The following PDZD4 variants were observed in gnomAD, a reference collection of about 807,000 sequenced individuals.
PDZD4 encodes the protein PDZ domain-containing protein 4.
In PDZD4, 9 loss-of-function variants were observed where a neutral mutation model predicts 38.5. The ratio of observed to expected loss-of-function variants is 0.23; its 90% CI spans 0.14 to 0.41. The LOEUF (loss-of-function observed/expected upper bound fraction) is 0.41. Ranked by LOEUF, PDZD4 falls within the 10% of genes least tolerant of loss-of-function variation. The pLI is 1.00. For missense variants in PDZD4, 612 were observed against 722.0 expected (o/e 0.85, Z 1.75); for synonymous variants, 349 against 315.7 (o/e 1.11, Z -1.12).
intron 1 of PDZD4, among the ~76,000 whole-genome samples, chrX:153,827,038 T>A (rs1363930463): frequency 8.9e-6 from 1 of 111,983 alleles, no homozygotes; most frequent in Non-Finnish European, 1.9e-5. Flanking sequence ...GAAAAAGACG[T>A]ACAAAGTTGG....
intron 1 of PDZD4, chrX:153,829,883 G>C: frequency 1.3e-6 from 1 of 798,844 alleles, no homozygotes; most frequent in South Asian, 5.8e-5. Context: ...ATCTAGATTC[G>C]GCGCCCCCCG....
In PDZD4 at chrX:153,803,377, A is replaced by G. The variant is rs782450743; in HGVS notation, c.2304T>C (p.Pro768=). 8.8e-7 allele frequency: 1 copy of G among 1,136,022 alleles called. No homozygotes were observed. The highest frequency in any genetic ancestry group is 2.2e-5 in the South Asian group (1 of 46,453). 93.6% of individuals were successfully genotyped at this position (1,136,022 alleles called of 1,213,427 possible). The change falls in exon 8 of 8, where the codon CCT becomes CCC. Residue 768 remains proline, a synonymous_variant. Coordinates refer to ENST00000393758, the MANE Select transcript of PDZD4 (RefSeq NM_001303512.2). The part of the protein sequence containing the change: ...RSADGKRVYN[P]LLSVTTV ...CTCACACGGTGGTGACTGAGAGAAG[A>G]GGGTTGTAGACCCGCTTGCCATCGG...
At chrX:153,810,712 C>T (rs1407281125) in intron 1 of PDZD4, among the ~76,000 whole-genome samples, 3 of 112,335 alleles carry the variant, frequency 2.7e-5, no homozygotes, top group African/African-American at 6.5e-5. Flanking sequence ...TCTTAGTGCC[C>T]GCGATACAGT....
rs2064263108 is a variant in PDZD4 at position 153,807,433 on chromosome X, C to T, written c.315-64G>A. On this transcript the variant is annotated intron_variant, in intron 2 of 7. Coordinates refer to ENST00000393758, the MANE Select transcript of PDZD4 (RefSeq NM_001303512.2). The stretch of plus-strand genomic sequence containing the variant: ...CCTCTCACACCTCAGCCCCAGCTCC[C>T]AGGCAGGCCGATCCCAGCGTGCCTG... The T allele has an allele frequency of 4.7e-6, 5 of 1,070,410 alleles. No homozygotes were observed. The South Asian group carries it at 1.0e-4, about 22-fold the overall frequency. The allele number at this position is 1,070,410 out of a possible 1,213,427, so 88.2% of individuals were successfully genotyped here. A position where few individuals can be genotyped will look rare whatever the true frequency, so the allele number is the denominator to read the frequency against.
In PDZD4 at chrX:153,808,355, C is replaced by T. The variant is rs1557077850; in HGVS notation, c.301G>A (p.Val101Ile). ...AGGGCGACTCACAGCTCAGAGAGGACGTACGGCTCCAGGATGACCATGGGC... is the reference window on the plus strand; with the variant it reads ...AGGGCGACTCACAGCTCAGAGAGGATGTACGGCTCCAGGATGACCATGGGC... ...TPPMVILEPY[V>I]LSELPPISHE... The change falls in exon 2 of 8, where the codon GTC becomes ATC. Residue 101 changes from valine to isoleucine, a missense_variant. Val to Ile is a conservative substitution (Grantham distance 29). This residue lies in a region of PDZD4 where 225 missense variants were observed against 311.0 expected (regional missense o/e 0.72). Coordinates refer to ENST00000393758, the MANE Select transcript of PDZD4 (RefSeq NM_001303512.2). 4 of 1,208,073 alleles carry T rather than the reference C, an allele frequency of 3.3e-6. No individual in the cohort carries two copies. The highest frequency in any genetic ancestry group is 2.3e-4 in the Middle Eastern group (1 of 4,342).
In PDZD4 at chrX:153,806,731, C is replaced by T. The variant is rs782784076; in HGVS notation, c.504+11G>A. 4.1e-6 allele frequency: 5 copies of T among 1,205,408 alleles called. No individual in the cohort carries two copies. The Admixed American group carries it at 8.7e-5, about 21-fold the overall frequency. On this transcript the variant is annotated intron_variant, in intron 4 of 7. Transcript: ENST00000393758. Reference sequence around the variant, plus strand: ...ATGGGCCTCGGGGCTGGGGCATACCCGTCTGCATACCTCTCCGACATAAAT... The same window carrying T: ...ATGGGCCTCGGGGCTGGGGCATACCTGTCTGCATACCTCTCCGACATAAAT...
At position 153,808,407 on chromosome X, in the gene PDZD4, C is replaced by T. The variant is rs781826237; in HGVS notation, c.249G>A (p.Ala83=). Residue 83 remains alanine, a synonymous_variant, in exon 2 of 8, where the codon GCG becomes GCA. Coordinates refer to ENST00000393758, the MANE Select transcript of PDZD4 (RefSeq NM_001303512.2). ...GGGTGGGCGGACGCAGCTTGCCCAGCGCCATGATATGCTCGAAGGTGATGT... is the reference window on the plus strand; with the variant it reads ...GGGTGGGCGGACGCAGCTTGCCCAGTGCCATGATATGCTCGAAGGTGATGT... ...QTDITFEHIM[A]LGKLRPPTPP... The T allele has an allele frequency of 4.1e-6, 5 of 1,211,214 alleles. No individual in the cohort carries two copies. Among genetic ancestry groups the T allele is most frequent in the South Asian group, 1.8e-5 (1 of 57,009 alleles).
intron 1 of PDZD4, among the ~76,000 whole-genome samples, chrX:153,826,651 A>G (rs2064484973): frequency 9.0e-6 from 1 of 111,509 alleles, no homozygotes. Context: ...AGCACAGGTG[A>G]GCCACCCGCC....
At chrX:153,823,222 T>C (rs1436318469) in intron 1 of PDZD4, among the ~76,000 whole-genome samples, 23 of 104,052 alleles carry the variant, frequency 2.2e-4, no homozygotes, top group African/African-American at 7.7e-4. Context: ...CCAGCTAATA[T>C]ATATATATAT....
intron 1 of PDZD4, among the ~76,000 whole-genome samples, chrX:153,826,216 C>CAA (rs199601688): frequency 1.8e-4 from 7 of 38,970 alleles, no homozygotes; most frequent in East Asian, 7.6e-4. Context: ...GACTGTGTCT[C>CAA]AAAAAAAAAA....
At chrX:153,812,813 C>T (rs2064323289) in intron 1 of PDZD4, among the ~76,000 whole-genome samples, 1 of 110,384 alleles carries the variant, frequency 9.1e-6, no homozygotes, top group Non-Finnish European at 1.9e-5. Context: ...AGAGCCTTGC[C>T]TCCCCGCCCC....
At position 153,802,655 on chromosome X, in the gene PDZD4, C is replaced by T. The variant is rs1603259843; in HGVS notation, c.*698G>A. On this transcript the variant is annotated 3_prime_UTR_variant, in exon 8 of 8. Coordinates refer to ENST00000393758, the MANE Select transcript of PDZD4 (RefSeq NM_001303512.2). ...CACCTCAGAGTGGAAGCCACCAGAA[C>T]AGCTGCTTCCCATTCCTCCCACCTT... 9.0e-6 allele frequency: 1 copy of T among 111,235 alleles called. No homozygotes were observed. Among genetic ancestry groups the T allele is most frequent in the African/African-American group, 3.3e-5 (1 of 30,516 alleles). The allele number at this position is 111,235 out of a possible 1,213,427, so 9.2% of individuals were successfully genotyped here. A position where few individuals can be genotyped will look rare whatever the true frequency, so the allele number is the denominator to read the frequency against.
chrX:153,804,555 C>T lies in PDZD4; in HGVS notation c.1126G>A (p.Gly376Ser), dbSNP rs144109992. Reference sequence around the variant, plus strand: ...GGAAAGAGGAGGCCCAGCTGGTTGCCGTTCTCCAGGTGGCACTTGATCTCC... The same window carrying T: ...GGAAAGAGGAGGCCCAGCTGGTTGCTGTTCTCCAGGTGGCACTTGATCTCC... Reference protein sequence around the residue: ...LLEIKCHLENGNQLGLLFPRA... With the variant: ...LLEIKCHLENSNQLGLLFPRA... Residue 376 changes from glycine to serine, a missense_variant, in exon 8 of 8, where the codon GGC (glycine) becomes AGC (serine). By Grantham distance (56) the Gly-to-Ser change is moderately conservative (BLOSUM62 0). Coordinates refer to ENST00000393758, the MANE Select transcript of PDZD4 (RefSeq NM_001303512.2). 1 of 1,209,783 alleles carries T rather than the reference C, an allele frequency of 8.3e-7. No homozygotes were observed. The highest frequency in any genetic ancestry group is 1.1e-6 in the Non-Finnish European group (1 of 895,404).
In PDZD4 at chrX:153,829,886, G is replaced by T. The variant is rs1424604163; in HGVS notation, c.60+353C>A. The stretch of plus-strand genomic sequence containing the variant: ...AGGCCCGCCGGGATCTAGATTCGGC[G>T]CCCCCCGCACGGCGGGAGCCTGGCT... On this transcript the variant is annotated intron_variant, in intron 1 of 7. Transcript: ENST00000393758. 13 of 800,965 alleles carry T rather than the reference G, an allele frequency of 1.6e-5. No homozygotes were observed. The African/African-American group carries it at 2.9e-4, about 18-fold the overall frequency. The allele number at this position is 800,965 out of a possible 1,213,427, so 66.0% of individuals were successfully genotyped here. A position where few individuals can be genotyped will look rare whatever the true frequency, so the allele number is the denominator to read the frequency against.
chrX:153,807,944 G>A, intron 2 of PDZD4: 1 of 989,383 alleles, frequency 1.0e-6, no homozygotes, highest in Admixed American at 3.0e-5. Context: ...CTTCCGGTCG[G>A]GCCAAAGAAA....
intron 1 of PDZD4, 131 bp downstream of exon 1, chrX:153,830,108 G>T: frequency 1.6e-6 from 1 of 616,543 alleles, no homozygotes; most frequent in Non-Finnish European, 2.3e-6. Context: ...AGGATGGGAG[G>T]GTGCGGACGG....
intron 1 of PDZD4, among the ~76,000 whole-genome samples, chrX:153,813,353 G>T (rs979221552): frequency 4.5e-5 from 5 of 111,501 alleles, no homozygotes; most frequent in African/African-American, 1.6e-4. Context: ...GATATCAACA[G>T]GTGCTCAGGG....
chrX:153,815,099 C>T (rs781883950), intron 1 of PDZD4, among the ~76,000 whole-genome samples: 1 of 113,151 alleles, frequency 8.8e-6, no homozygotes, highest in South Asian at 3.6e-4. Flanking sequence ...AGGGGCTTGA[C>T]GTGCCCCATG....
chrX:153,808,702 C>T (rs1415287857), intron 1 of PDZD4, 107 bp from the exon 2 acceptor site: 1 of 922,536 alleles, frequency 1.1e-6, no homozygotes, highest in African/African-American at 2.0e-5. Flanking sequence ...AACCAGCACC[C>T]CAAGCCACTC....
Sources: gnomAD v4.1 joint callset for allele counts (sites outside exome capture counted in the v4.1 genomes callset) on GRCh38, gnomAD v4.1.1 for gene constraint, gnomAD v4.1.1 regional missense constraint, MANE v1.5 for transcripts, NCBI Gene and HGNC (gene_info 2026-07-23, HGNC 2026-07-21) for gene names.